SDK2: variants seen among roughly 807,000 people sequenced by gnomAD.
SDK2 encodes sidekick cell adhesion molecule 2.
Under a neutral mutation model 253.9 loss-of-function variants are expected in SDK2, and 105 were observed. The observed-to-expected ratio is 0.41, with a 90% CI of 0.35 to 0.49. The LOEUF (loss-of-function observed/expected upper bound fraction) is 0.49, where lower values mean the gene tolerates loss of function less well. Ranked by LOEUF, SDK2 falls within the 20% of genes least tolerant of loss-of-function variation. The pLI is 0.06. For missense variants in SDK2, 2,608 were observed against 3,003.0 expected (o/e 0.87, Z 3.07); for synonymous variants, 1,249 against 1,234.9 (o/e 1.01, Z -0.24).
intron 2 of SDK2, among the ~76,000 whole-genome samples, chr17:73,490,476 T>C (rs56202556): frequency 0.27 from 41,377 of 150,996 alleles, 6,418 homozygotes; most frequent in East Asian, 0.48. Flanking sequence ...TTTCCTTATC[T>C]ATAAAATAGG....
chr17:73,421,284 C>T (rs1225251609), intron 15 of SDK2, among the ~76,000 whole-genome samples: 1 of 30,550 alleles, frequency 3.3e-5, no homozygotes, highest in Non-Finnish European at 2.3e-4. Flanking sequence ...ATTGTTTGAC[C>T]CCAGTGGTGC....
intron 1 of SDK2, among the ~76,000 whole-genome samples, chr17:73,536,364 C>G (rs2044771838): frequency 6.6e-6 from 1 of 152,202 alleles, no homozygotes; most frequent in Non-Finnish European, 1.5e-5. Flanking sequence ...TTTTCCAGCC[C>G]CAGAAAAGCC....
Position 73,607,177 on chromosome 17 carries a change from G to T in SDK2, c.64+36848C>A, listed in dbSNP as rs557080609. 4.3e-4 allele frequency among the ~76,000 whole-genome samples: 65 copies of T among 152,344 alleles called. 1 individual carries two copies. The South Asian group carries it at 0.013, about 30-fold the overall frequency. On this transcript the variant is annotated intron_variant, in intron 1 of 44. Coordinates refer to ENST00000392650, the MANE Select transcript of SDK2 (RefSeq NM_001144952.2). The stretch of plus-strand genomic sequence containing the variant: ...AGTGGTGTGGACAACAAGTGGTCAA[G>T]AGGACTTCACAGGATCCTCCAGATC...
Position 73,442,775 on chromosome 17 carries a change from G to A in SDK2, c.614-1852C>T, listed in dbSNP as rs375525986. 5.9e-5 allele frequency among the ~76,000 whole-genome samples: 9 copies of A among 151,432 alleles called. No homozygotes were observed. In the East Asian group the frequency reaches 1.5e-3, roughly 26 times the overall value. On this transcript the variant is annotated intron_variant, in intron 5 of 44. Transcript: ENST00000392650. ...TTACCATCATCCAACTCCCAGGGTCGATGATTGAAATGAACAAGAACTTCC... is the reference window on the plus strand; with the variant it reads ...TTACCATCATCCAACTCCCAGGGTCAATGATTGAAATGAACAAGAACTTCC...
At chr17:73,566,656 T>C (rs909597969) in intron 1 of SDK2, among the ~76,000 whole-genome samples, 23 of 151,766 alleles carry the variant, frequency 1.5e-4, no homozygotes, top group African/African-American at 5.1e-4. Context: ...AAAACTGGAG[T>C]GAAGATCACC....
intron 1 of SDK2, among the ~76,000 whole-genome samples, chr17:73,597,144 C>T (rs1198921578): frequency 6.6e-6 from 1 of 152,192 alleles, no homozygotes; most frequent in Non-Finnish European, 1.5e-5. Flanking sequence ...TGTCCTTTAA[C>T]ACGTATTCTC....
intron 1 of SDK2, among the ~76,000 whole-genome samples, chr17:73,545,596 G>A (rs1172312658): frequency 6.6e-6 from 1 of 152,190 alleles, no homozygotes; most frequent in African/African-American, 2.4e-5. Flanking sequence ...CCACTGCCTG[G>A]GGCCTCAGAA....
At chr17:73,457,878 A>G (rs1046238798) in intron 3 of SDK2, among the ~76,000 whole-genome samples, 13 of 152,192 alleles carry the variant, frequency 8.5e-5, no homozygotes, top group Admixed American at 1.3e-4. Context: ...TCCTTCTACC[A>G]GGAATTCTCC....
chr17:73,606,222 G>A (rs1422246949), intron 1 of SDK2, among the ~76,000 whole-genome samples: 1 of 152,160 alleles, frequency 6.6e-6, no homozygotes, highest in Non-Finnish European at 1.5e-5. Context: ...ACGTTCTCAG[G>A]GGCAGCAGCA....
At chr17:73,410,559 C>G (rs991411900) in intron 18 of SDK2, among the ~76,000 whole-genome samples, 7 of 152,196 alleles carry the variant, frequency 4.6e-5, no homozygotes, top group Admixed American at 4.6e-4. Flanking sequence ...CTCAAGTGAT[C>G]TCCTGCCTCG....
chr17:73,378,398 A>G (rs2062801499), intron 36 of SDK2, among the ~76,000 whole-genome samples: 2 of 151,648 alleles, frequency 1.3e-5, no homozygotes, highest in South Asian at 2.1e-4. Flanking sequence ...CACCACACAC[A>G]GCCCTAGAAA....
intron 6 of SDK2, among the ~76,000 whole-genome samples, chr17:73,440,406 C>G (rs1258203813): frequency 6.6e-6 from 1 of 152,118 alleles, no homozygotes; most frequent in East Asian, 1.9e-4. Context: ...GCGCCCAAAG[C>G]CGTACTCTTA....
At chr17:73,402,234 G>A (rs2063034844) in intron 18 of SDK2, 93 bp from the exon 19 acceptor site, 4 of 1,358,224 alleles carry the variant, frequency 2.9e-6, no homozygotes, top group East Asian at 4.7e-5. Flanking sequence ...AACAGATGGT[G>A]TCCGGGGACC....
Position 73,334,557 on chromosome 17 carries a change from T to C in SDK2, c.*4030A>G, listed in dbSNP as rs1045275934. ...TTTTCTTACAGACAGACACCTGCCA[T>C]AATGAATACTCTCCCCATAATTTTT... On this transcript the variant is annotated 3_prime_UTR_variant, in exon 45 of 45. Coordinates refer to ENST00000392650, the MANE Select transcript of SDK2 (RefSeq NM_001144952.2). 6.6e-6 allele frequency: 1 copy of C among 152,234 alleles called. No individual in the cohort carries two copies. The highest frequency in any genetic ancestry group is 2.1e-4 in the South Asian group (1 of 4,832). 9.4% of individuals were successfully genotyped at this position (152,234 alleles called of 1,614,324 possible). A position where few individuals can be genotyped will look rare whatever the true frequency, so the allele number is the denominator to read the frequency against.
In SDK2 at chr17:73,455,173, C is replaced by T. The variant is rs2063516304; in HGVS notation, c.479+733G>A. 6.6e-6 allele frequency among the ~76,000 whole-genome samples: 1 copy of T among 151,944 alleles called. No homozygotes were observed. Among genetic ancestry groups the T allele is most frequent in the Non-Finnish European group, 1.5e-5 (1 of 67,960 alleles). ...CCTGGGTAGATCAGAAGGTGGTCTT[C>T]TGGAAGCAGGGGAGAGCTGGAGTTG... On this transcript the variant is annotated intron_variant, in intron 4 of 44. Coordinates refer to ENST00000392650, the MANE Select transcript of SDK2 (RefSeq NM_001144952.2). This position sits in a 1 kb window ranked among gnomAD's most constrained non-coding sequence, Gnocchi z 5.0.
At chr17:73,428,752 G>C (rs2063303567) in intron 12 of SDK2, among the ~76,000 whole-genome samples, 1 of 152,082 alleles carries the variant, frequency 6.6e-6, no homozygotes, top group African/African-American at 2.4e-5. Context: ...AGGGTAGAAG[G>C]GATGTCCCCG....
intron 1 of SDK2, among the ~76,000 whole-genome samples, chr17:73,523,062 G>GA (rs2064095377): frequency 1.3e-5 from 2 of 152,202 alleles, no homozygotes; most frequent in Admixed American, 6.5e-5. Context: ...TGGCAGATGG[G>GA]AAAACCGACG....
At chr17:73,421,956 T>C (rs1361742090) in intron 15 of SDK2, among the ~76,000 whole-genome samples, 1 of 136,770 alleles carries the variant, frequency 7.3e-6, no homozygotes, top group Admixed American at 7.2e-5. Flanking sequence ...CCTGTATCTC[T>C]GGAATTTTGC....
Position 73,394,447 on chromosome 17 carries a change from C to T in SDK2, c.3593-123G>A, listed in dbSNP as rs2062954556. ...CGATGTTGCCTCTCTATGGAAGAAA[C>T]GTGGCACACATGGTCCCCAAACTGC... On this transcript the variant is annotated intron_variant, in intron 25 of 44. Transcript: ENST00000392650. The T allele has an allele frequency of 2.0e-5, 10 of 512,692 alleles. No homozygotes were observed. The South Asian group carries it at 3.5e-4, about 18-fold the overall frequency. The allele number at this position is 512,692 out of a possible 1,614,324, so 31.8% of individuals were successfully genotyped here. A position where few individuals can be genotyped will look rare whatever the true frequency, so the allele number is the denominator to read the frequency against.
Sources: allele counts gnomAD v4.1 joint callset (sites outside exome capture counted in the v4.1 genomes callset), GRCh38; gene constraint gnomAD v4.1.1; non-coding constraint Gnocchi (gnomAD v3.1); transcripts MANE v1.5; gene names NCBI Gene and HGNC (gene_info 2026-07-23, HGNC 2026-07-21).